SDK2: variants seen among roughly 807,000 people sequenced by gnomAD.
SDK2 encodes the protein protein sidekick-2.
In SDK2, 105 loss-of-function variants were observed where a neutral mutation model predicts 253.9. That is an observed-to-expected ratio of 0.41 (90% CI 0.35 to 0.49). SDK2 has a LOEUF of 0.49. Ranked by LOEUF, SDK2 falls within the 20% of genes least tolerant of loss-of-function variation. The pLI, the probability that SDK2 is intolerant of heterozygous loss-of-function variation, is 0.06. For missense variants in SDK2, 2,608 were observed against 3,003.0 expected, an observed-to-expected ratio of 0.87 and a Z score of 3.07; for synonymous variants, 1,249 against 1,234.9, an observed-to-expected ratio of 1.01 and a Z score of -0.24.
intron 29 of SDK2, among the ~76,000 whole-genome samples, chr17:73,388,776 T>TTCCTTCCTTCCCTCCCTC (rs2062896715): frequency 1.7e-5 from 1 of 57,152 alleles, no homozygotes; most frequent in Non-Finnish European, 3.9e-5. Flanking sequence ...CTCCCTCTCC[T>TTCCTTCCTTCCCTCCCTC]TCCTTCCTTC....
In SDK2 at chr17:73,334,743, G is replaced by C. The variant is rs1221727940; in HGVS notation, c.*3844C>G. 6.6e-6 allele frequency: 1 copy of C among 152,252 alleles called. No individual in the cohort carries two copies. The highest frequency in any genetic ancestry group is 2.4e-5 in the African/African-American group (1 of 41,446). 9.4% of individuals were successfully genotyped at this position (152,252 alleles called of 1,614,324 possible). A position where few individuals can be genotyped will look rare whatever the true frequency, so the allele number is the denominator to read the frequency against. On this transcript the variant is annotated 3_prime_UTR_variant, in exon 45 of 45. Coordinates refer to ENST00000392650, the MANE Select transcript of SDK2 (RefSeq NM_001144952.2). ...AGGGGGCACCTGTGCTCAGGTGGTG[G>C]TCAGGATTGCCATGTGCGCATGCCC...
Position 73,435,300 on chromosome 17 carries a change from C to T in SDK2, c.1195+150G>A, listed in dbSNP as rs1018522152. ...AGGCAGCAGCGGTAACTGGCTGTGC[C>T]CCCAGGCTGCTGGGCAGCAGGCGGC... On this transcript the variant is annotated intron_variant, in intron 9 of 44. Coordinates refer to ENST00000392650, the MANE Select transcript of SDK2 (RefSeq NM_001144952.2). The surrounding 1 kb of genome is among the most constrained non-coding windows in gnomAD (Gnocchi z 5.7). 1.5e-5 allele frequency: 11 copies of T among 723,884 alleles called. No individual in the cohort carries two copies. In the African/African-American group the frequency reaches 1.8e-4, roughly 12 times the overall value. The allele number at this position is 723,884 out of a possible 1,614,324, so 44.8% of individuals were successfully genotyped here. A position where few individuals can be genotyped will look rare whatever the true frequency, so the allele number is the denominator to read the frequency against.
chr17:73,509,331 T>C (rs1567813788), intron 1 of SDK2, among the ~76,000 whole-genome samples: 1 of 152,154 alleles, frequency 6.6e-6, no homozygotes, highest in Non-Finnish European at 1.5e-5. Context: ...CTGCCAATGT[T>C]CATTTCCTTC....
chr17:73,425,718 G>A (rs1025039652), intron 12 of SDK2, among the ~76,000 whole-genome samples: 32 of 152,070 alleles, frequency 2.1e-4, no homozygotes, highest in Non-Finnish European at 4.7e-4. Flanking sequence ...TGTTGGTCAG[G>A]CTGGTCTCTA....
intron 32 of SDK2, among the ~76,000 whole-genome samples, chr17:73,385,121 T>C (rs1568375698): frequency 6.6e-6 from 1 of 152,032 alleles, no homozygotes; most frequent in Admixed American, 6.6e-5. Flanking sequence ...GGAGAAGTGG[T>C]GATGGGAGTT....
chr17:73,531,919 T>C (rs1034066062), intron 1 of SDK2, among the ~76,000 whole-genome samples: 1 of 152,160 alleles, frequency 6.6e-6, no homozygotes, highest in African/African-American at 2.4e-5. Context: ...CAGCTTCTCC[T>C]GGACACTGCC....
chr17:73,448,591 C>T (rs1412729447), intron 4 of SDK2, among the ~76,000 whole-genome samples: 2 of 151,982 alleles, frequency 1.3e-5, no homozygotes, highest in South Asian at 4.2e-4. Context: ...GTCTCGATCT[C>T]CTGACCTTGT....
intron 2 of SDK2, among the ~76,000 whole-genome samples, chr17:73,477,138 T>C (rs146544800): frequency 9.8e-4 from 150 of 152,292 alleles, no homozygotes; most frequent in African/African-American, 3.5e-3. Context: ...GCTTCTCGGT[T>C]TGTGAGTCCA....
chr17:73,399,164 C>T lies in SDK2; in HGVS notation c.3093+4G>A. The T allele has an allele frequency of 1.1e-5, 17 of 1,613,450 alleles. No individual in the cohort carries two copies. The highest frequency in any genetic ancestry group is 1.4e-5 in the Non-Finnish European group (17 of 1,179,850). ...CTGCTGGTCAGGCCCCAGGCCTGCC[C>T]TACCTGGGCTTCCACCAGCCAGCGG... is the stretch of plus-strand genomic sequence containing the variant. On this transcript the variant is annotated splice_donor_region_variant and intron_variant, in intron 22 of 44. Transcript: ENST00000392650.
chr17:73,623,525 A>G (rs1269100876), intron 1 of SDK2, among the ~76,000 whole-genome samples: 2 of 152,198 alleles, frequency 1.3e-5, no homozygotes, highest in African/African-American at 4.8e-5. Flanking sequence ...TGAGGAGGAC[A>G]AGCCCAGTTG....
chr17:73,416,455 G>A (rs2063183347), intron 16 of SDK2, among the ~76,000 whole-genome samples: 1 of 151,928 alleles, frequency 6.6e-6, no homozygotes, highest in Non-Finnish European at 1.5e-5. Context: ...CCTCACTTCA[G>A]CCTCCCAAAG....
At chr17:73,636,887 C>G (rs1422175820) in intron 1 of SDK2, among the ~76,000 whole-genome samples, 1 of 152,046 alleles carries the variant, frequency 6.6e-6, no homozygotes, top group Non-Finnish European at 1.5e-5. Context: ...ATGTCAGGCT[C>G]CATTCTCACT....
intron 1 of SDK2, among the ~76,000 whole-genome samples, chr17:73,619,098 T>C (rs1435613940): frequency 7.1e-6 from 1 of 140,376 alleles, no homozygotes; most frequent in African/African-American, 2.7e-5. Context: ...ACCCGGGAAG[T>C]GGAGGTTGCA....
At chr17:73,388,436 G>A (rs1004613881) in intron 29 of SDK2, among the ~76,000 whole-genome samples, 5 of 152,168 alleles carry the variant, frequency 3.3e-5, no homozygotes, top group African/African-American at 1.2e-4. Flanking sequence ...TTCATTCCAG[G>A]CCCTAGCTTG....
At chr17:73,550,835 A>C (rs947278807) in intron 1 of SDK2, among the ~76,000 whole-genome samples, 4 of 151,994 alleles carry the variant, frequency 2.6e-5, no homozygotes, top group African/African-American at 9.7e-5. Flanking sequence ...TCCAGGGAGG[A>C]AGTGAGGTTG....
rs1057508624 is a variant in SDK2 at position 73,335,564 on chromosome 17, A to T, written c.*3023T>A. On this transcript the variant is annotated 3_prime_UTR_variant, in exon 45 of 45. Coordinates refer to ENST00000392650, the MANE Select transcript of SDK2 (RefSeq NM_001144952.2). Reference sequence around the variant, plus strand: ...GGGCAAAGAGACGTGTCCTGAAAAAATCTAGAGTTCCACAGCTGCAGGCCT... The same window carrying T: ...GGGCAAAGAGACGTGTCCTGAAAAATTCTAGAGTTCCACAGCTGCAGGCCT... 1.3e-5 allele frequency: 2 copies of T among 152,272 alleles called. No homozygotes were observed. The highest frequency in any genetic ancestry group is 2.4e-5 in the African/African-American group (1 of 41,452). The allele number at this position is 152,272 out of a possible 1,614,324, so 9.4% of individuals were successfully genotyped here.
Position 73,447,754 on chromosome 17 carries a change from A to AAG in SDK2, c.480-8_480-7dup, listed in dbSNP as rs2063463888. 1 of 1,551,438 alleles carries AAG rather than the reference A, an allele frequency of 6.4e-7. No individual in the cohort carries two copies. Among genetic ancestry groups the AAG allele is most frequent in the Non-Finnish European group, 8.7e-7 (1 of 1,146,966 alleles). ...TGTTCTCCAGCGTGATGGCTCTGGG[A>AAG]AGAGGAAAAGGATTCCTCTGACAGG... is the stretch of plus-strand genomic sequence containing the variant. On this transcript the variant is annotated splice_polypyrimidine_tract_variant and splice_region_variant and intron_variant, in intron 4 of 44. Transcript: ENST00000392650. The surrounding 1 kb of genome is among the most constrained non-coding windows in gnomAD (Gnocchi z 4.0).
Position 73,379,218 on chromosome 17 carries a change from G to T in SDK2, c.4939C>A (p.Pro1647Thr). 1.3e-6 allele frequency: 2 copies of T among 1,559,392 alleles called. No individual in the cohort carries two copies. The highest frequency in any genetic ancestry group is 1.7e-6 in the Non-Finnish European group (2 of 1,151,194). Residue 1647 changes from proline to threonine, a missense_variant, in exon 36 of 45, where the codon CCT (proline) becomes ACT (threonine). Pro to Thr is a conservative substitution (Grantham distance 38). Transcript: ENST00000392650. This position sits in a 1 kb window ranked among gnomAD's most constrained non-coding sequence, Gnocchi z 4.5. ...TCTCCATTCTGGCTGTCCAGCGGAG[G>T]TGGCTCCCAAGTCACGTCCAGCTGT... ...ATQLDVTWEPPPLDSQNGDIQ... is the reference protein window; with the variant it reads ...ATQLDVTWEPTPLDSQNGDIQ...
rs1272291449 is a variant in SDK2, at chr17:73,440,797, A to G, written c.725+15T>C. 1 of 1,530,814 alleles carries G rather than the reference A, an allele frequency of 6.5e-7. No individual in the cohort carries two copies. The highest frequency in any genetic ancestry group is 8.9e-7 in the Non-Finnish European group (1 of 1,128,280). The allele number at this position is 1,530,814 out of a possible 1,614,324, so 94.8% of individuals were successfully genotyped here. On this transcript the variant is annotated intron_variant, in intron 6 of 44. Coordinates refer to ENST00000392650, the MANE Select transcript of SDK2 (RefSeq NM_001144952.2). ...GAGTTACGGGTGCGGGAGCGAGGGA[A>G]GATGCACTACCTACCTGGCATTGGC... is the stretch of plus-strand genomic sequence containing the variant.
Sources: allele counts gnomAD v4.1 joint callset (sites outside exome capture counted in the v4.1 genomes callset), GRCh38; gene constraint gnomAD v4.1.1; non-coding constraint Gnocchi (gnomAD v3.1); transcripts MANE v1.5; gene names NCBI Gene and HGNC (gene_info 2026-07-23, HGNC 2026-07-21).